The following TUSC3 variants were observed in gnomAD, a reference collection of about 807,000 sequenced individuals.
The protein encoded by TUSC3 is dolichyl-diphosphooligosaccharide--protein glycosyltransferase subunit TUSC3.
A neutral mutation model predicts 44.8 loss-of-function variants in TUSC3; 45 were observed. The observed-to-expected ratio is 1.00, with a 90% CI of 0.79 to 1.29. TUSC3 has a LOEUF of 1.29. TUSC3 is among the 50% of genes most tolerant of loss of function. The pLI is 0.00. For missense variants in TUSC3, 519 were observed against 437.9 expected (o/e 1.19, Z -1.65); for synonymous variants, 212 against 152.9 (o/e 1.39, Z -2.85).
chr8:15,825,968 C>G, the TUSC3 span, among the ~76,000 whole-genome samples: 2 of 146,222 alleles, frequency 1.4e-5, no homozygotes, highest in Non-Finnish European at 3.0e-5. Context: ...CATGTACAGA[C>G]TTGAACACAT....
At chr8:15,556,848 GTTGT>G (rs1802287636) in intron 1 of TUSC3, among the ~76,000 whole-genome samples, 1 of 129,242 alleles carries the variant, frequency 7.7e-6, no homozygotes, top group Non-Finnish European at 1.7e-5. Context: ...TTTTGATGGG[GTTGT>G]TTGTTTTTTT....
At chr8:15,824,460 G>A in the TUSC3 span, among the ~76,000 whole-genome samples, 3 of 119,076 alleles carry the variant, frequency 2.5e-5, no homozygotes, top group Non-Finnish European at 6.0e-5. Context: ...CCCCACAAAG[G>A]ACATGAACTC....
At chr8:15,796,501 C>T in the TUSC3 span, among the ~76,000 whole-genome samples, 1 of 152,168 alleles carries the variant, frequency 6.6e-6, no homozygotes, top group Non-Finnish European at 1.5e-5. Context: ...TGAGCTGTGC[C>T]CACATACTTG....
intron 3 of TUSC3, 151 bp from the exon 4 acceptor site, chr8:15,659,356 A>T: frequency 1.1e-6 from 1 of 904,596 alleles, no homozygotes; most frequent in Non-Finnish European, 1.7e-6. Context: ...TAGTGAATTA[A>T]GACAAATAAA....
chr8:15,781,733 C>A, the TUSC3 span, among the ~76,000 whole-genome samples: 1 of 152,120 alleles, frequency 6.6e-6, no homozygotes, highest in Non-Finnish European at 1.5e-5. Flanking sequence ...AGAATTAATA[C>A]CAACCCTTCT....
rs575310264 is a variant in TUSC3 at position 15,739,520 on chromosome 8, T to G, written c.863-4018T>G. Among the ~76,000 whole-genome samples, 14 of 152,308 alleles carry G rather than the reference T, an allele frequency of 9.2e-5. No individual in the cohort carries two copies. The South Asian group carries it at 2.9e-3, about 32-fold the overall frequency. On this transcript the variant is annotated intron_variant, in intron 7 of 10. Transcript: ENST00000503731. ...TATAATTTGAAAAATGCTATATTGT[T>G]ACTGCATTTGCTCCCAACAAAAATA... is the stretch of plus-strand genomic sequence containing the variant.
chr8:15,553,308 A>G (rs1235116990), intron 1 of TUSC3, among the ~76,000 whole-genome samples: 2 of 151,780 alleles, frequency 1.3e-5, no homozygotes, highest in East Asian at 3.9e-4. Flanking sequence ...AGTAAAAAAT[A>G]GAGGACCTGT....
intron 1 of TUSC3, among the ~76,000 whole-genome samples, chr8:15,561,378 C>G (rs1296228227): frequency 7.0e-6 from 1 of 142,596 alleles, no homozygotes; most frequent in Non-Finnish European, 1.6e-5. Flanking sequence ...TCTCCAGCTG[C>G]GTGCTGGGAG....
At chr8:15,529,571 G>A (rs185226699) in intron 2 of TUSC3, among the ~76,000 whole-genome samples, 27 of 152,090 alleles carry the variant, frequency 1.8e-4, no homozygotes, top group Admixed American at 1.5e-3. Context: ...TAGAAAATTT[G>A]CTTTAAATAG....
chr8:15,818,500 C>G, the TUSC3 span, among the ~76,000 whole-genome samples: 1 of 152,134 alleles, frequency 6.6e-6, no homozygotes, highest in Non-Finnish European at 1.5e-5. Context: ...TGAATTTTGT[C>G]ATTTCACTCA....
At chr8:15,646,610 T>G (rs796892612) in intron 2 of TUSC3, among the ~76,000 whole-genome samples, 34 of 152,206 alleles carry the variant, frequency 2.2e-4, no homozygotes, top group African/African-American at 7.9e-4. Context: ...ATTATAGTAC[T>G]GTTCATATTT....
rs576790782 is a variant in TUSC3 at position 15,694,148 on chromosome 8, T to G, written c.798+20312T>G. Among the ~76,000 whole-genome samples the G allele has an allele frequency of 3.3e-5, 5 of 152,210 alleles. No individual in the cohort carries two copies. In the East Asian group the frequency reaches 9.7e-4, roughly 30 times the overall value. On this transcript the variant is annotated intron_variant, in intron 6 of 10. Coordinates refer to ENST00000503731, the MANE Select transcript of TUSC3 (RefSeq NM_006765.4). ...TGTATTTCTGTTATTGTAGCCTGGT[T>G]AAGAACCATGTTGGCCGGGCACAGT...
intron 1 of TUSC3, among the ~76,000 whole-genome samples, chr8:15,562,850 A>T (rs1362574779): frequency 1.3e-5 from 2 of 152,088 alleles, no homozygotes; most frequent in African/African-American, 4.8e-5. Flanking sequence ...TGTTTTCCTG[A>T]TTAGGTGAGG....
intron 2 of TUSC3, among the ~76,000 whole-genome samples, chr8:15,517,681 C>T (rs946004884): frequency 3.3e-5 from 5 of 151,896 alleles, no homozygotes; most frequent in African/African-American, 1.2e-4. Context: ...TTATACTGCA[C>T]ACGAAACAAT....
chr8:15,793,349 C>T, the TUSC3 span, among the ~76,000 whole-genome samples: 87,880 of 151,928 alleles, frequency 0.58, 26,756 homozygotes, highest in Non-Finnish European at 0.67. Context: ...GCTCCTCCTC[C>T]TTCTCCACTC....
chr8:15,449,704 T>G (rs1055928293), intron 1 of TUSC3, among the ~76,000 whole-genome samples: 4 of 152,182 alleles, frequency 2.6e-5, no homozygotes, highest in Non-Finnish European at 5.9e-5. Flanking sequence ...AGGAGTCCTT[T>G]CAGTCTGCTG....
chr8:15,742,543 C>T (rs1235948753), intron 7 of TUSC3, among the ~76,000 whole-genome samples: 3 of 152,114 alleles, frequency 2.0e-5, no homozygotes, highest in African/African-American at 7.2e-5. Context: ...TTTCTCTGAC[C>T]TCCTCCACTT....
At chr8:15,600,848 G>GTAGAT (rs1804257286) in intron 1 of TUSC3, among the ~76,000 whole-genome samples, 1 of 151,700 alleles carries the variant, frequency 6.6e-6, no homozygotes, top group African/African-American at 2.4e-5. Flanking sequence ...TTGGTTAAAT[G>GTAGAT]TGCTATCAGT....
chr8:15,436,687 G>GA (rs1799949517), intron 1 of TUSC3, among the ~76,000 whole-genome samples: 1 of 147,552 alleles, frequency 6.8e-6, no homozygotes, highest in East Asian at 1.9e-4. Context: ...AAAAAACCCA[G>GA]AACTTTCACA....
Sources: allele counts gnomAD v4.1 joint callset (sites outside exome capture counted in the v4.1 genomes callset), GRCh38; gene constraint gnomAD v4.1.1; transcripts MANE v1.5; gene names NCBI Gene and HGNC (gene_info 2026-07-23, HGNC 2026-07-21).